Variants in OC90 observed in about 807,000 individuals in gnomAD.
OC90 encodes otoconin-90.
A neutral mutation model predicts 47.3 loss-of-function variants in OC90; 46 were observed. The ratio of observed to expected loss-of-function variants is 0.97; its 90% CI spans 0.77 to 1.24. OC90 has a LOEUF of 1.24. OC90 is among the 50% of genes most tolerant of loss of function. OC90 has a pLI of 0.00. For synonymous variants in OC90, 271 were observed against 219.5 expected (o/e 1.23, Z -2.07); for missense variants, 688 against 583.9 (o/e 1.18, Z -1.84).
chr8:132,036,833 G>T (rs1019977767), intron 9 of OC90, among the ~76,000 whole-genome samples: 2 of 152,212 alleles, frequency 1.3e-5, no homozygotes, highest in Non-Finnish European at 2.9e-5. Flanking sequence ...TTCCATAGGC[G>T]TGTATAAGCA....
Position 132,033,300 on chromosome 8 carries a change from G to A in OC90, c.734-136C>T, listed in dbSNP as rs534397452. On this transcript the variant is annotated intron_variant, in intron 10 of 13. Transcript: ENST00000254627. Reference sequence around the variant, plus strand: ...GAATGTTCCTCAAACTGGGTTTGCAGATGTCCAGGCAGAGTCTTAAGAATT... The same window carrying A: ...GAATGTTCCTCAAACTGGGTTTGCAAATGTCCAGGCAGAGTCTTAAGAATT... 2.6e-5 allele frequency: 22 copies of A among 837,168 alleles called. No individual in the cohort carries two copies. In the African/African-American group the frequency reaches 3.4e-4, roughly 13 times the overall value. The allele number at this position is 837,168 out of a possible 1,614,324, so 51.9% of individuals were successfully genotyped here. A position where few individuals can be genotyped will look rare whatever the true frequency, so the allele number is the denominator to read the frequency against.
Position 132,025,928 on chromosome 8 carries a change from T to G in OC90, c.1139-1152A>C, listed in dbSNP as rs145076529. On this transcript the variant is annotated intron_variant, in intron 13 of 13. Coordinates refer to ENST00000254627, the MANE Select transcript of OC90 (RefSeq NM_001080399.3). ...CCCAAGTTAGTGCTAAGGAAATATG[T>G]GTTAGATTTGATGGTTACTTCTTCC... Among the ~76,000 whole-genome samples the G allele has an allele frequency of 2.1e-3, 318 of 152,346 alleles. 3 individuals are homozygous for G. Among genetic ancestry groups the G allele is most frequent in the African/African-American group, 7.4e-3 (308 of 41,576 alleles).
chr8:132,024,803 C>A, intron 13 of OC90, 27 bp from the exon 14 acceptor site: 1 of 1,586,562 alleles, frequency 6.3e-7, no homozygotes, highest in South Asian at 1.2e-5. Flanking sequence ...AGAGTAGAAG[C>A]CATGAGACCT....
Position 132,041,170 on chromosome 8 carries a change from G to A in OC90, c.345-14C>T, listed in dbSNP as rs749188721. ...TGGAAGCAGCAGCTGTAGGAAGGCC[G>A]GGAGGAGGCAGGGTGAGAGTGTGGG... is the stretch of plus-strand genomic sequence containing the variant. On this transcript the variant is annotated splice_polypyrimidine_tract_variant and intron_variant, in intron 5 of 13. Transcript: ENST00000254627. The A allele has an allele frequency of 3.0e-5, 47 of 1,559,038 alleles. No homozygotes were observed. Among genetic ancestry groups the A allele is most frequent in the Middle Eastern group, 1.7e-4 (1 of 5,842 alleles).
chr8:132,033,133 T>G lies in OC90; in HGVS notation c.765A>C (p.Thr255=), dbSNP rs910111332. Residue 255 remains threonine, a synonymous_variant, in exon 11 of 14, where the codon ACA becomes ACC. Transcript: ENST00000254627. ...GSAEIVATRV[T]AKIVTLVPAG... ...CAGGGACAAGGGTTACAATTTTAGC[T>G]GTAACCCTTGTTGCAACTATCTCTG... is the stretch of plus-strand genomic sequence containing the variant. 2 of 1,606,994 alleles carry G rather than the reference T, an allele frequency of 1.2e-6. No individual in the cohort carries two copies. Among genetic ancestry groups the G allele is most frequent in the African/African-American group, 2.7e-5 (2 of 74,840 alleles).
rs367838327 is a variant in OC90, at chr8:132,032,063, C to G, written c.860-11G>C. 1 of 1,611,924 alleles carries G rather than the reference C, an allele frequency of 6.2e-7. No homozygotes were observed. Among genetic ancestry groups the G allele is most frequent in the Admixed American group, 1.7e-5 (1 of 59,940 alleles). On this transcript the variant is annotated splice_polypyrimidine_tract_variant and intron_variant, in intron 11 of 13. Coordinates refer to ENST00000254627, the MANE Select transcript of OC90 (RefSeq NM_001080399.3). ...TGAATCTGTCACAGGCTGAAAGGAACAGGAATTGTCAGGAGAGCAAGGACT... is the reference window on the plus strand; with the variant it reads ...TGAATCTGTCACAGGCTGAAAGGAAGAGGAATTGTCAGGAGAGCAAGGACT...
chr8:132,039,096 A>G lies in OC90; in HGVS notation c.485T>C (p.Leu162Pro), dbSNP rs768179253. 1 of 1,612,402 alleles carries G rather than the reference A, an allele frequency of 6.2e-7. No homozygotes were observed. The highest frequency in any genetic ancestry group is 8.5e-7 in the Non-Finnish European group (1 of 1,179,246). ...TATGGCAGCCTTATCACAGGTACAC[A>G]GCAGGTGCTCACAGTTGTCCTTGGA... is the stretch of plus-strand genomic sequence containing the variant. The part of the protein sequence containing the change: ...CESKDNCEHL[L>P]CTCDKAAIEC... Residue 162 changes from leucine (L) to proline (P), a missense_variant, in exon 7 of 14, where the codon CTG becomes CCG. Coordinates refer to ENST00000254627, the MANE Select transcript of OC90 (RefSeq NM_001080399.3).
In OC90 at chr8:132,031,771, T is replaced by C; in HGVS notation, c.1031+110A>G. On this transcript the variant is annotated intron_variant, in intron 12 of 13. Transcript: ENST00000254627. ...AGTGAGCTGCTGTGTGCACCAAGCATTTAGTGAGGCCCAAGTTTCAGCCTG... is the reference window on the plus strand; with the variant it reads ...AGTGAGCTGCTGTGTGCACCAAGCACTTAGTGAGGCCCAAGTTTCAGCCTG... 5 of 892,760 alleles carry C rather than the reference T, an allele frequency of 5.6e-6. No individual in the cohort carries two copies. The South Asian group carries it at 8.4e-5, about 15-fold the overall frequency. The allele number at this position is 892,760 out of a possible 1,614,324, so 55.3% of individuals were successfully genotyped here.
At chr8:132,035,167 C>A (rs1224091680) in intron 9 of OC90, among the ~76,000 whole-genome samples, 4 of 152,214 alleles carry the variant, frequency 2.6e-5, no homozygotes, top group Non-Finnish European at 5.9e-5. Context: ...AACAGAGGAG[C>A]ATTGCAGCAC....
At chr8:132,047,158 C>A (rs1220046685) in intron 2 of OC90, among the ~76,000 whole-genome samples, 1 of 152,174 alleles carries the variant, frequency 6.6e-6, no homozygotes, top group Non-Finnish European at 1.5e-5. Context: ...CTAGTGGAGA[C>A]AAAACCACCA....
chr8:132,032,131 G>A (rs1280850037), intron 11 of OC90, 79 bp from the exon 12 acceptor site: 34 of 1,304,482 alleles, frequency 2.6e-5, no homozygotes, highest in Non-Finnish European at 3.5e-5. Context: ...TGAGCCTCCG[G>A]GTTGTATGTG....
chr8:132,041,136 C>T lies in OC90; in HGVS notation c.365G>A (p.Arg122Lys). The T allele has an allele frequency of 6.2e-7, 1 of 1,613,488 alleles. No individual in the cohort carries two copies. The highest frequency in any genetic ancestry group is 2.2e-5 in the East Asian group (1 of 44,870). The change falls in exon 6 of 14, where the codon AGG (arginine) becomes AAG (lysine). Residue 122 changes from arginine to lysine, a missense_variant. By Grantham distance (26) the Arg-to-Lys change is conservative (BLOSUM62 2). Transcript: ENST00000254627. ...CATCTCAGCGGCCTCCTCATAGCAC[C>T]TGCGGTGCTGGAAGCAGCAGCTGTA... is the stretch of plus-strand genomic sequence containing the variant. ...ESDSCCFQHR[R>K]CYEEAAEMDC...
chr8:132,055,004 C>A lies in OC90; in HGVS notation c.23G>T (p.Ser8Ile). 1 of 1,551,206 alleles carries A rather than the reference C, an allele frequency of 6.4e-7. No homozygotes were observed. Among genetic ancestry groups the A allele is most frequent in the Non-Finnish European group, 8.7e-7 (1 of 1,146,784 alleles). The change falls in exon 2 of 14, where the codon AGT becomes ATT. Residue 8 changes from serine (S) to isoleucine (I), a missense_variant. Physicochemically the swap from Ser to Ile is moderately radical, Grantham distance 142 (BLOSUM62 -2). Transcript: ENST00000254627. MIAFLLTSVLMIPHAGGH... is the reference protein window; with the variant it reads MIAFLLTIVLMIPHAGGH... Reference sequence around the variant, plus strand: ...ACCGGCATGGGGGATCATCAGCACACTGGTGAGGAGAAACGCAATCATAGC... The same window carrying A: ...ACCGGCATGGGGGATCATCAGCACAATGGTGAGGAGAAACGCAATCATAGC...
chr8:132,029,562 A>G (rs1026173569), intron 12 of OC90, among the ~76,000 whole-genome samples: 1 of 152,200 alleles, frequency 6.6e-6, no homozygotes, highest in Admixed American at 6.5e-5. Context: ...AAGGTACCAT[A>G]TGGGCTAGCA....
intron 8 of OC90, 56 bp downstream of exon 8, chr8:132,038,734 C>T: frequency 1.4e-6 from 2 of 1,402,074 alleles, no homozygotes; most frequent in Non-Finnish European, 1.0e-6. Flanking sequence ...TCCACCGGCT[C>T]CCATCAGCAT....
intron 4 of OC90, 75 bp from the exon 5 acceptor site, chr8:132,041,774 C>A: frequency 1.2e-6 from 1 of 828,430 alleles, no homozygotes; most frequent in Admixed American, 2.5e-5. Context: ...CCCTGGACTT[C>A]CTATACCTCA....
chr8:132,024,988 G>C (rs912760455), intron 13 of OC90, among the ~76,000 whole-genome samples: 4 of 152,196 alleles, frequency 2.6e-5, no homozygotes, highest in African/African-American at 9.7e-5. Flanking sequence ...CTCTCAACTG[G>C]TGTCTGTCAA....
chr8:132,041,018 C>A (rs747680388), intron 6 of OC90, 26 bp downstream of exon 6: 27 of 1,379,458 alleles, frequency 2.0e-5, no homozygotes, highest in Non-Finnish European at 2.6e-5. Context: ...TGGGCCCAGG[C>A]CCCTGGGACA....
chr8:132,050,095 T>C (rs1436208173), intron 2 of OC90, among the ~76,000 whole-genome samples: 2 of 152,204 alleles, frequency 1.3e-5, no homozygotes, highest in Non-Finnish European at 2.9e-5. Flanking sequence ...GCCTCATTTT[T>C]CTGTTGGATA....
Sources: gnomAD v4.1 joint callset for allele counts (sites outside exome capture counted in the v4.1 genomes callset) on GRCh38, gnomAD v4.1.1 for gene constraint, MANE v1.5 for transcripts, NCBI Gene and HGNC (gene_info 2026-07-23, HGNC 2026-07-21) for gene names.